The following MVB12B variants were observed in gnomAD, a reference collection of about 807,000 sequenced individuals.
The protein encoded by MVB12B is ESCRT-I complex subunit MVB12B.
Under a neutral mutation model 41.6 loss-of-function variants are expected in MVB12B, and 16 were observed. The observed-to-expected ratio is 0.38, with a 90% CI of 0.26 to 0.58. The LOEUF (loss-of-function observed/expected upper bound fraction) is 0.58. Among genes scored for constraint, MVB12B ranks in the 20% least tolerant of loss-of-function variants. The pLI, the probability that MVB12B is intolerant of heterozygous loss-of-function variation, is 0.62. For synonymous variants in MVB12B, 133 were observed against 139.7 expected (o/e 0.95, Z 0.34); for missense variants, 274 against 380.2 (o/e 0.72, Z 2.32).
intron 9 of MVB12B, among the ~76,000 whole-genome samples, chr9:126,500,247 A>G (rs995265745): frequency 1.3e-5 from 2 of 152,162 alleles, no homozygotes; most frequent in African/African-American, 2.4e-5. Flanking sequence ...CGCCTCCCCC[A>G]GCCCCTCCAC....
chr9:126,416,288 A>G (rs986692067), intron 6 of MVB12B, among the ~76,000 whole-genome samples: 1 of 152,188 alleles, frequency 6.6e-6, no homozygotes. Context: ...CCCTGCCTGC[A>G]TGGTGGCCCT....
intron 6 of MVB12B, among the ~76,000 whole-genome samples, chr9:126,411,618 T>G (rs921630862): frequency 1.3e-5 from 2 of 152,344 alleles, no homozygotes; most frequent in South Asian, 4.1e-4. Context: ...ACCTTACTTG[T>G]CTTGGCTTGT....
At chr9:126,442,857 G>A (rs1832674190) in intron 7 of MVB12B, among the ~76,000 whole-genome samples, 1 of 152,130 alleles carries the variant, frequency 6.6e-6, no homozygotes, top group Non-Finnish European at 1.5e-5. Flanking sequence ...TGGGCAGATG[G>A]TCATACTGTT....
Position 126,340,204 on chromosome 9 carries a change from A to C in MVB12B, c.82-304A>C, listed in dbSNP as rs1322085552. On this transcript the variant is annotated intron_variant, in intron 1 of 9. Coordinates refer to ENST00000361171, the MANE Select transcript of MVB12B (RefSeq NM_033446.3). This position sits in a 1 kb window ranked among gnomAD's most constrained non-coding sequence, Gnocchi z 4.0. Reference sequence around the variant, plus strand: ...ACTGGTATCTGTTCAGAAATCAAGCAGCTGGATGGCGGAGTTAAGAATGAC... The same window carrying C: ...ACTGGTATCTGTTCAGAAATCAAGCCGCTGGATGGCGGAGTTAAGAATGAC... 6.6e-6 allele frequency among the ~76,000 whole-genome samples: 1 copy of C among 152,078 alleles called. No individual in the cohort carries two copies. Among genetic ancestry groups the C allele is most frequent in the African/African-American group, 2.4e-5 (1 of 41,412 alleles).
At chr9:126,409,228 A>C (rs997854673) in intron 6 of MVB12B, among the ~76,000 whole-genome samples, 4 of 152,152 alleles carry the variant, frequency 2.6e-5, no homozygotes, top group Admixed American at 2.0e-4. Flanking sequence ...CAGATGATCC[A>C]AAATACAGCC....
At chr9:126,378,192 A>G (rs1830533821) in intron 2 of MVB12B, among the ~76,000 whole-genome samples, 1 of 152,242 alleles carries the variant, frequency 6.6e-6, no homozygotes, top group Admixed American at 6.5e-5. Flanking sequence ...AAGTTTCTGC[A>G]GTGCCGCCAG....
Position 126,503,550 on chromosome 9 carries a change from A to G in MVB12B, c.*287A>G. ...TGTGATGACCAGTTGTCCTCCAAAAACCTCACTCACCACGGAGTCACCCTG... is the reference window on the plus strand; with the variant it reads ...TGTGATGACCAGTTGTCCTCCAAAAGCCTCACTCACCACGGAGTCACCCTG... On this transcript the variant is annotated 3_prime_UTR_variant, in exon 10 of 10. Transcript: ENST00000361171. 1 of 455,174 alleles carries G rather than the reference A, an allele frequency of 2.2e-6. No individual in the cohort carries two copies. 28.2% of individuals were successfully genotyped at this position (455,174 alleles called of 1,614,324 possible). A position where few individuals can be genotyped will look rare whatever the true frequency, so the allele number is the denominator to read the frequency against.
At chr9:126,413,776 C>T (rs1204445602) in intron 6 of MVB12B, among the ~76,000 whole-genome samples, 14 of 151,264 alleles carry the variant, frequency 9.3e-5, no homozygotes, top group Admixed American at 9.2e-4. Context: ...AGGATGTATC[C>T]TCTTTTCATT....
At position 126,392,251 on chromosome 9, in the gene MVB12B, C is replaced by A; in HGVS notation, c.539+56C>A. 5 of 1,595,728 alleles carry A rather than the reference C, an allele frequency of 3.1e-6. No individual in the cohort carries two copies. Among genetic ancestry groups the A allele is most frequent in the Non-Finnish European group, 4.3e-6 (5 of 1,165,448 alleles). The stretch of plus-strand genomic sequence containing the variant: ...TTCTCTTCCCTGAGAGCACTCAGGC[C>A]ACTCCAGGCAATGAGGTCCAAGAGA... On this transcript the variant is annotated intron_variant, in intron 5 of 9. Coordinates refer to ENST00000361171, the MANE Select transcript of MVB12B (RefSeq NM_033446.3). This position sits in a 1 kb window ranked among gnomAD's most constrained non-coding sequence, Gnocchi z 4.8.
intron 9 of MVB12B, among the ~76,000 whole-genome samples, chr9:126,485,631 C>T (rs1220017283): frequency 7.3e-6 from 1 of 136,548 alleles, no homozygotes; most frequent in East Asian, 2.3e-4. Flanking sequence ...GTCAGGGTAC[C>T]GTCCACTGTG....
intron 2 of MVB12B, among the ~76,000 whole-genome samples, chr9:126,358,914 C>T (rs77755181): frequency 0.013 from 1,988 of 152,232 alleles, 52 homozygotes; most frequent in African/African-American, 0.046. Flanking sequence ...TTAAATATGG[C>T]ATTTGCTGTG....
chr9:126,391,491 T>G lies in MVB12B; in HGVS notation c.410-575T>G, dbSNP rs555014348. ...AGGAATGGTGATGGCATGGTGGTCT[T>G]TAAAGAACAGTGTCCTGGATGCCTA... On this transcript the variant is annotated intron_variant, in intron 4 of 9. Transcript: ENST00000361171. This position sits in a 1 kb window ranked among gnomAD's most constrained non-coding sequence, Gnocchi z 4.4. Among the ~76,000 whole-genome samples the G allele has an allele frequency of 6.6e-6, 1 of 152,322 alleles. No individual in the cohort carries two copies. Among genetic ancestry groups the G allele is most frequent in the South Asian group, 2.1e-4 (1 of 4,828 alleles).
rs1451012356 is a variant in MVB12B, at chr9:126,505,135, CT to C, written c.*1876del. On this transcript the variant is annotated 3_prime_UTR_variant, in exon 10 of 10. Transcript: ENST00000361171. Reference sequence around the variant, plus strand: ...GGTTTGTGAACTTTGTCCTTCACCTCTTTTCGTGCCCTGGTTGTGAGATTGC... The same window carrying C: ...GGTTTGTGAACTTTGTCCTTCACCTCTTTCGTGCCCTGGTTGTGAGATTGC... 6.6e-6 allele frequency: 1 copy of C among 152,270 alleles called. No individual in the cohort carries two copies. Among genetic ancestry groups the C allele is most frequent in the African/African-American group, 2.4e-5 (1 of 41,454 alleles). 9.4% of individuals were successfully genotyped at this position (152,270 alleles called of 1,614,324 possible).
intron 7 of MVB12B, among the ~76,000 whole-genome samples, chr9:126,451,759 G>C (rs999828154): frequency 6.6e-6 from 1 of 152,122 alleles, no homozygotes; most frequent in Non-Finnish European, 1.5e-5. Context: ...CATCTGGAGG[G>C]GGTTTATTTA....
chr9:126,494,861 G>GCC (rs1268804292), intron 9 of MVB12B, among the ~76,000 whole-genome samples: 1 of 150,414 alleles, frequency 6.6e-6, no homozygotes, highest in Non-Finnish European at 1.5e-5. Flanking sequence ...TGACCAGGGA[G>GCC]CACCCCACCC....
chr9:126,400,232 T>G (rs1329802605), intron 6 of MVB12B, among the ~76,000 whole-genome samples: 1 of 152,096 alleles, frequency 6.6e-6, no homozygotes, highest in Non-Finnish European at 1.5e-5. Flanking sequence ...AGTAGAAGTG[T>G]TTCCAGGTGG....
intron 7 of MVB12B, among the ~76,000 whole-genome samples, chr9:126,446,511 CAA>C (rs34637951): frequency 9.1e-4 from 104 of 113,740 alleles, no homozygotes; most frequent in Middle Eastern, 4.9e-3. Context: ...AAAAGAACAC[CAA>C]AAAAAAAAAA....
At chr9:126,330,767 T>G (rs1382890796) in intron 1 of MVB12B, among the ~76,000 whole-genome samples, 2 of 152,138 alleles carry the variant, frequency 1.3e-5, no homozygotes, top group African/African-American at 4.8e-5. Context: ...CATTTCCCCC[T>G]TTCCTGACCC....
chr9:126,407,662 C>A lies in MVB12B; in HGVS notation c.662+11965C>A, dbSNP rs546504444. On this transcript the variant is annotated intron_variant, in intron 6 of 9. Transcript: ENST00000361171. ...TCACAACCCAGTTCTTCCCCGTCTG[C>A]CTTTAATCACCGCGAGGGGGGCGAC... Among the ~76,000 whole-genome samples, 134 of 152,256 alleles carry A rather than the reference C, an allele frequency of 8.8e-4. No individual in the cohort carries two copies. The South Asian group carries it at 0.014, about 16-fold the overall frequency.
Sources: allele counts gnomAD v4.1 joint callset (sites outside exome capture counted in the v4.1 genomes callset), GRCh38; gene constraint gnomAD v4.1.1; non-coding constraint Gnocchi (gnomAD v3.1); transcripts MANE v1.5; gene names NCBI Gene and HGNC (gene_info 2026-07-23, HGNC 2026-07-21).